The following GRID1 variants were observed in gnomAD, a reference collection of about 807,000 sequenced individuals.
GRID1 encodes glutamate receptor ionotropic, delta-1.
In GRID1, 28 loss-of-function variants were observed where a neutral mutation model predicts 98.0. The ratio of observed to expected loss-of-function variants is 0.29; its 90% CI spans 0.21 to 0.39. The LOEUF (loss-of-function observed/expected upper bound fraction) is 0.39, where lower values mean the gene tolerates loss of function less well. GRID1 is among the 10% of genes least tolerant of loss of function. The probability of loss-of-function intolerance (pLI) is 1.00; values close to 1 mark genes in which losing one functional copy is unlikely to be tolerated. For synonymous variants in GRID1, 553 were observed against 538.5 expected (o/e 1.03, Z -0.37); for missense variants, 1,111 against 1,340.5 (o/e 0.83, Z 2.67).
chr10:86,067,848 C>G (rs1287248812), intron 4 of GRID1, among the ~76,000 whole-genome samples: 1 of 152,202 alleles, frequency 6.6e-6, no homozygotes, highest in African/African-American at 2.4e-5. Flanking sequence ...AGGCCAAGGC[C>G]TGAACTCAGC....
At chr10:86,308,692 TTCC>T (rs142392484) in intron 2 of GRID1, among the ~76,000 whole-genome samples, 4,511 of 152,274 alleles carry the variant, frequency 0.03, 225 homozygotes, top group African/African-American at 0.1. Context: ...CAGAGATTTA[TTCC>T]TTACACTTCT....
chr10:86,110,861 T>C (rs1844470810), intron 4 of GRID1, among the ~76,000 whole-genome samples: 1 of 152,266 alleles, frequency 6.6e-6, no homozygotes, highest in South Asian at 2.1e-4. Flanking sequence ...TTCATGTGCT[T>C]ATTCAGTAAA....
At position 85,992,622 on chromosome 10, in the gene GRID1, G is replaced by A. The variant is rs867584809; in HGVS notation, c.727-76383C>T. 2.0e-4 allele frequency among the ~76,000 whole-genome samples: 30 copies of A among 150,994 alleles called. No individual in the cohort carries two copies. In the South Asian group the frequency reaches 2.3e-3, roughly 12 times the overall value. On this transcript the variant is annotated intron_variant, in intron 4 of 15. Transcript: ENST00000327946. Reference sequence around the variant, plus strand: ...AGTGAGGATGAGGAGAGGTGGGGGGGGAACAAATGGTAAGAGCTAGAATAA... The same window carrying A: ...AGTGAGGATGAGGAGAGGTGGGGGGAGAACAAATGGTAAGAGCTAGAATAA...
chr10:85,841,302 C>T (rs1482563401), intron 8 of GRID1, among the ~76,000 whole-genome samples: 2 of 152,006 alleles, frequency 1.3e-5, no homozygotes, highest in Non-Finnish European at 2.9e-5. Context: ...TGAAACTGGA[C>T]TCCTTCCTTT....
chr10:85,634,599 G>A (rs900892869), intron 13 of GRID1, among the ~76,000 whole-genome samples: 3 of 152,184 alleles, frequency 2.0e-5, no homozygotes, highest in Non-Finnish European at 4.4e-5. Flanking sequence ...ATGGAAACAC[G>A]CCACAAAAGG....
chr10:86,364,884 G>A (rs1848652766), intron 1 of GRID1, among the ~76,000 whole-genome samples: 1 of 152,044 alleles, frequency 6.6e-6, no homozygotes, highest in Admixed American at 6.5e-5. Flanking sequence ...GGCGCCCTCC[G>A]GCTGGCGCTT....
At chr10:86,293,164 G>A (rs1847540215) in intron 2 of GRID1, among the ~76,000 whole-genome samples, 1 of 152,158 alleles carries the variant, frequency 6.6e-6, no homozygotes, top group South Asian at 2.1e-4. Flanking sequence ...AGAAGCCCAG[G>A]GTCTTCCTCG....
intron 12 of GRID1, among the ~76,000 whole-genome samples, chr10:85,698,781 T>C (rs1022109014): frequency 2.0e-5 from 3 of 152,180 alleles, no homozygotes; most frequent in African/African-American, 7.2e-5. Flanking sequence ...GAATAAGACC[T>C]TTTGTTGCTT....
At chr10:85,784,056 C>T (rs1254977144) in intron 8 of GRID1, among the ~76,000 whole-genome samples, 1 of 152,174 alleles carries the variant, frequency 6.6e-6, no homozygotes, top group Non-Finnish European at 1.5e-5. Flanking sequence ...CACTCTCCAA[C>T]ATGTCAAACC....
intron 2 of GRID1, among the ~76,000 whole-genome samples, chr10:86,356,944 C>A (rs1449168772): frequency 1.3e-5 from 2 of 152,222 alleles, no homozygotes; most frequent in African/African-American, 4.8e-5. Flanking sequence ...TAGAGGATTT[C>A]AACCTCGCAG....
intron 4 of GRID1, among the ~76,000 whole-genome samples, chr10:85,965,406 C>T (rs1022994375): frequency 6.6e-6 from 1 of 152,038 alleles, no homozygotes; most frequent in African/African-American, 2.4e-5. Flanking sequence ...TCAATGATAG[C>T]CTGGATAAGG....
intron 12 of GRID1, among the ~76,000 whole-genome samples, chr10:85,700,544 G>C (rs12219642): frequency 3.3e-5 from 5 of 152,084 alleles, no homozygotes; most frequent in Admixed American, 2.0e-4. Flanking sequence ...ATTTCCTAAA[G>C]GCACTATTAA....
In GRID1 at chr10:86,069,367, G is replaced by A. The variant is rs1438824274; in HGVS notation, c.726+69452C>T. Among the ~76,000 whole-genome samples the A allele has an allele frequency of 2.6e-5, 4 of 152,180 alleles. No homozygotes were observed. The East Asian group carries it at 7.7e-4, about 29-fold the overall frequency. On this transcript the variant is annotated intron_variant, in intron 4 of 15. Coordinates refer to ENST00000327946, the MANE Select transcript of GRID1 (RefSeq NM_017551.3). ...AGGGCTGCAGTCAAGAGTGCTTCCC[G>A]GCCAGGCACAGTGGCTCACGCCTGT...
At chr10:86,288,004 T>C (rs1393487803) in intron 2 of GRID1, among the ~76,000 whole-genome samples, 1 of 152,162 alleles carries the variant, frequency 6.6e-6, no homozygotes, top group Non-Finnish European at 1.5e-5. Flanking sequence ...GCCCAGCCCC[T>C]GCCATGCTCT....
intron 14 of GRID1, among the ~76,000 whole-genome samples, chr10:85,615,991 C>G (rs1314494411): frequency 1.3e-5 from 2 of 152,160 alleles, no homozygotes; most frequent in East Asian, 1.9e-4. Context: ...TCACTAAAGC[C>G]TGAGGTTATA....
intron 8 of GRID1, among the ~76,000 whole-genome samples, chr10:85,784,928 C>T (rs1435041614): frequency 6.6e-6 from 1 of 152,168 alleles, no homozygotes; most frequent in African/African-American, 2.4e-5. Context: ...CTTTCCTGTC[C>T]CCATGGCCAT....
intron 2 of GRID1, among the ~76,000 whole-genome samples, chr10:86,280,976 C>G (rs1165585564): frequency 7.9e-5 from 12 of 152,230 alleles, no homozygotes; most frequent in Non-Finnish European, 1.8e-4. Context: ...CTGATTCTAC[C>G]AACCATGGGG....
chr10:85,896,946 T>G (rs1304185590), intron 5 of GRID1, among the ~76,000 whole-genome samples: 2 of 152,160 alleles, frequency 1.3e-5, no homozygotes, highest in Non-Finnish European at 1.5e-5. Flanking sequence ...AAATTATGAT[T>G]CCTCCAATGA....
At chr10:85,987,606 T>TGCTCCTACCCTTACTTCCCC in intron 4 of GRID1, among the ~76,000 whole-genome samples, 1 of 144,586 alleles carries the variant, frequency 6.9e-6, no homozygotes. Context: ...CTGCCTTACC[T>TGCTCCTACCCTTACTTCCCC]GCTCCTACCC....
Sources: gnomAD v4.1 joint callset for allele counts (sites outside exome capture counted in the v4.1 genomes callset) on GRCh38, gnomAD v4.1.1 for gene constraint, MANE v1.5 for transcripts, NCBI Gene and HGNC (gene_info 2026-07-23, HGNC 2026-07-21) for gene names.